DDX21: variants seen among roughly 807,000 people sequenced by gnomAD.
DDX21 encodes DExD-box helicase 21.
In DDX21, 18 loss-of-function variants were observed where a neutral mutation model predicts 90.0. That is an observed-to-expected ratio of 0.20 (90% CI 0.14 to 0.30). The LOEUF (loss-of-function observed/expected upper bound fraction) is 0.30. DDX21 is among the 10% of genes least tolerant of loss of function. The pLI, the probability that DDX21 is intolerant of heterozygous loss-of-function variation, is 1.00. For missense variants in DDX21, 673 were observed against 944.5 expected, an observed-to-expected ratio of 0.71 and a Z score of 3.77; for synonymous variants, 294 against 318.0, an observed-to-expected ratio of 0.92 and a Z score of 0.80.
intron 14 of DDX21, 63 bp from the exon 15 acceptor site, chr10:68,982,471 TTTGTTTTTC>T: frequency 6.5e-7 from 1 of 1,532,216 alleles, no homozygotes; most frequent in Non-Finnish European, 8.8e-7. Flanking sequence ...TGGCAAATAT[TTTGTTTTTC>T]TCATGCTTTT....
At chr10:68,981,853 G>T (rs562328767) in intron 14 of DDX21, among the ~76,000 whole-genome samples, 6,960 of 148,590 alleles carry the variant, frequency 0.047, 498 homozygotes, top group African/African-American at 0.16. Flanking sequence ...TATAGATTTT[G>T]TGTGTGTGTG....
rs762148024 is a variant in DDX21 at position 68,973,527 on chromosome 10, T to G, written c.1549-18T>G. The G allele has an allele frequency of 5.0e-6, 8 of 1,613,832 alleles. No individual in the cohort carries two copies. Among genetic ancestry groups the G allele is most frequent in the Non-Finnish European group, 5.1e-6 (6 of 1,179,804 alleles). ...CTCTTTTTTGGTTTAGTGTTACTCA[T>G]GTATTTTACTTCAATAGGATGTAGA... On this transcript the variant is annotated intron_variant, in intron 9 of 14. Coordinates refer to ENST00000354185, the MANE Select transcript of DDX21 (RefSeq NM_004728.4).
At chr10:68,972,494 A>G (rs914386990) in intron 9 of DDX21, among the ~76,000 whole-genome samples, 11 of 152,214 alleles carry the variant, frequency 7.2e-5, no homozygotes, top group Non-Finnish European at 1.6e-4. Flanking sequence ...ATAGTTCTTC[A>G]CGTAAATAAA....
intron 11 of DDX21, among the ~76,000 whole-genome samples, chr10:68,975,331 G>T (rs1028379097): frequency 1.3e-5 from 2 of 152,126 alleles, no homozygotes; most frequent in African/African-American, 2.4e-5. Flanking sequence ...GGAGGCAAGA[G>T]AATTATTTTT....
intron 12 of DDX21, among the ~76,000 whole-genome samples, chr10:68,978,004 C>T (rs1449925118): frequency 1.3e-5 from 2 of 151,674 alleles, no homozygotes; most frequent in Non-Finnish European, 2.9e-5. Context: ...TCCCAGCTAC[C>T]TGGGAGGCTG....
In DDX21 at chr10:68,983,945, T is replaced by G. The variant is rs1325583630; in HGVS notation, c.*1133T>G. On this transcript the variant is annotated 3_prime_UTR_variant, in exon 15 of 15. Coordinates refer to ENST00000354185, the MANE Select transcript of DDX21 (RefSeq NM_004728.4). The stretch of plus-strand genomic sequence containing the variant: ...ACAGTATAGGATCTGTTAAACTGAA[T>G]GTCTGTTGAAAGTTTGTTTTAGCTG... 1 of 152,164 alleles carries G rather than the reference T, an allele frequency of 6.6e-6. No individual in the cohort carries two copies. The highest frequency in any genetic ancestry group is 1.5e-5 in the Non-Finnish European group (1 of 68,026). The allele number at this position is 152,164 out of a possible 1,614,324, so 9.4% of individuals were successfully genotyped here.
At chr10:68,959,720 T>C in intron 1 of DDX21, 86 bp from the exon 2 acceptor site, 1 of 1,025,780 alleles carries the variant, frequency 9.7e-7, no homozygotes, top group Non-Finnish European at 1.3e-6. Context: ...TTGAAAATGA[T>C]CTTGAAATAA....
In DDX21 at chr10:68,977,721, T is replaced by C. The variant is rs371300985; in HGVS notation, c.1902+33T>C. ...TCTGCAGCACATTCCTGACACTTCA[T>C]AATTTGGGGTATGAGCAGGATATGA... On this transcript the variant is annotated intron_variant, in intron 12 of 14. Transcript: ENST00000354185. The C allele has an allele frequency of 8.2e-6, 13 of 1,578,100 alleles. No homozygotes were observed. In the African/African-American group the frequency reaches 1.8e-4, roughly 21 times the overall value.
chr10:68,967,229 TA>T (rs534242501), intron 6 of DDX21, 26 bp downstream of exon 6: 3 of 1,596,778 alleles, frequency 1.9e-6, no homozygotes, highest in Non-Finnish European at 2.6e-6. Context: ...AAGAAGCTGA[TA>T]AAAAAGACCA....
intron 1 of DDX21, 199 bp downstream of exon 1, chr10:68,956,511 C>G: frequency 3.5e-6 from 5 of 1,427,324 alleles, no homozygotes; most frequent in Non-Finnish European, 4.6e-6. Context: ...CCCGACCGAG[C>G]CAGGTCCGCC....
In DDX21 at chr10:68,977,597, A is replaced by G; in HGVS notation, c.1811A>G (p.Glu604Gly). 6.2e-7 allele frequency: 1 copy of G among 1,613,908 alleles called. No individual in the cohort carries two copies. Among genetic ancestry groups the G allele is most frequent in the Non-Finnish European group, 8.5e-7 (1 of 1,179,866 alleles). The change falls in exon 12 of 15, where the codon GAG becomes GGG. Residue 604 changes from glutamate to glycine, a missense_variant. Around this residue, in one of 4 missense-constraint regions of DDX21, gnomAD observed 225 missense variants for 298.8 expected, o/e 0.75. Transcript: ENST00000354185. ...CAATCAGCTGAGAAGCTGATAGAGG[A>G]GAAGGGAGCTGTGGAAGCTCTGGCA... ...FKQSAEKLIE[E>G]KGAVEALAAA...
In DDX21 at chr10:68,965,397, A is replaced by G. The variant is rs372053227; in HGVS notation, c.807A>G (p.Thr269=). The change falls in exon 5 of 15, where the codon ACA becomes ACG. Residue 269 remains threonine (T), a synonymous_variant. Transcript: ENST00000354185. ...RAPQVLVLAP[T]RELANQVSKD... is the part of the protein sequence containing the mutation. ...ATCAGGTACTGGTTCTTGCACCTAC[A>G]AGAGAGTTGGCAAATCAAGTAAGCA... 19 of 1,613,810 alleles carry G rather than the reference A, an allele frequency of 1.2e-5. No individual in the cohort carries two copies. The highest frequency in any genetic ancestry group is 1.5e-5 in the Non-Finnish European group (18 of 1,179,970).
chr10:68,961,450 G>A (rs1446151593), intron 2 of DDX21, among the ~76,000 whole-genome samples: 2 of 152,098 alleles, frequency 1.3e-5, no homozygotes, highest in African/African-American at 4.8e-5. Flanking sequence ...TTAATTTTTG[G>A]TGTTTCCTTG....
intron 11 of DDX21, among the ~76,000 whole-genome samples, chr10:68,976,672 G>T (rs1843106182): frequency 6.6e-6 from 1 of 152,078 alleles, no homozygotes; most frequent in Non-Finnish European, 1.5e-5. Context: ...GGTTCCCTTG[G>T]GTGCCAGTTA....
chr10:68,961,847 A>G (rs1218636534), intron 2 of DDX21, among the ~76,000 whole-genome samples: 1 of 152,226 alleles, frequency 6.6e-6, no homozygotes, highest in East Asian at 1.9e-4. Flanking sequence ...CTAGTTACCC[A>G]GTATATATTT....
chr10:68,973,800 T>C (rs1843058666), intron 10 of DDX21, 136 bp downstream of exon 10: 1 of 1,165,736 alleles, frequency 8.6e-7, no homozygotes, highest in Admixed American at 3.2e-5. Flanking sequence ...GTTAGGTACA[T>C]ATGTTGTCCT....
At chr10:68,966,724 AC>A (rs1475773027) in intron 5 of DDX21, among the ~76,000 whole-genome samples, 1 of 152,008 alleles carries the variant, frequency 6.6e-6, no homozygotes, top group African/African-American at 2.4e-5. Flanking sequence ...TACAGGCGTG[AC>A]CCACCACGCC....
At position 68,960,169 on chromosome 10, in the gene DDX21, A is replaced by G. The variant is rs1274319967; in HGVS notation, c.451A>G (p.Lys151Glu). 6.2e-7 allele frequency: 1 copy of G among 1,614,004 alleles called. No individual in the cohort carries two copies. The highest frequency in any genetic ancestry group is 1.1e-5 in the South Asian group (1 of 91,032). The stretch of plus-strand genomic sequence containing the variant: ...AACTAGAGAGAAAAGCCCCAAACTG[A>G]AGAATGGATTTCCTCATCCTGAACC... ...GETREKSPKLKNGFPHPEPDC... is the reference protein window; with the variant it reads ...GETREKSPKLENGFPHPEPDC... The change falls in exon 2 of 15, where the codon AAG becomes GAG. Residue 151 changes from lysine (K) to glutamate (E), a missense_variant. Coordinates refer to ENST00000354185, the MANE Select transcript of DDX21 (RefSeq NM_004728.4).
chr10:68,963,555 T>A, intron 4 of DDX21, 86 bp downstream of exon 4: 2 of 1,273,094 alleles, frequency 1.6e-6, no homozygotes, highest in Middle Eastern at 4.6e-4. Context: ...TATTTTTTAT[T>A]GAGTTCTTAT....
Sources: gnomAD v4.1 joint callset for allele counts (sites outside exome capture counted in the v4.1 genomes callset) on GRCh38, gnomAD v4.1.1 for gene constraint, gnomAD v4.1.1 regional missense constraint, MANE v1.5 for transcripts, NCBI Gene and HGNC (gene_info 2026-07-23, HGNC 2026-07-21) for gene names.